Variants in EIF2B4 observed in about 807,000 individuals in gnomAD.
The protein encoded by EIF2B4 is translation initiation factor eIF2B subunit delta.
In EIF2B4, 34 loss-of-function variants were observed where a neutral mutation model predicts 66.7. The observed-to-expected ratio is 0.51, with a 90% CI of 0.39 to 0.68. The LOEUF is 0.68. Ranked by LOEUF, EIF2B4 falls within the 30% of genes least tolerant of loss-of-function variation. The probability of loss-of-function intolerance (pLI) is 0.00; values close to 1 mark genes in which losing one functional copy is unlikely to be tolerated. For missense variants in EIF2B4, 618 were observed against 657.9 expected (o/e 0.94, Z 0.66); for synonymous variants, 278 against 253.6 (o/e 1.10, Z -0.92).
chr2:27,367,685 G>A (rs1681962977), intron 8 of EIF2B4, 61 bp downstream of exon 8: 10 of 1,589,756 alleles, frequency 6.3e-6, no homozygotes, highest in Non-Finnish European at 7.8e-6. Flanking sequence ...AGAAAAGCAG[G>A]AAAAAGAGTA....
chr2:27,367,712 C>T (rs772860178), intron 8 of EIF2B4, 34 bp downstream of exon 8: 28 of 1,596,858 alleles, frequency 1.8e-5, no homozygotes, highest in Non-Finnish European at 2.1e-5. Context: ...AAAGATTGGG[C>T]GAGCTGGGAG....
chr2:27,369,687 C>T, intron 2 of EIF2B4, 138 bp from the exon 3 acceptor site: 4 of 1,519,166 alleles, frequency 2.6e-6, no homozygotes, highest in East Asian at 4.5e-5. Context: ...TGCAAGCTTA[C>T]ATCCACAGAG....
rs1404571400 is a variant in EIF2B4 at position 27,364,612 on chromosome 2, G to A, written c.1373-13C>T. Reference sequence around the variant, plus strand: ...TCATCAGGGTCATCTGCAATGGAAGGCGTACCCATTATGTTCTTTCAGAAA... The same window carrying A: ...TCATCAGGGTCATCTGCAATGGAAGACGTACCCATTATGTTCTTTCAGAAA... On this transcript the variant is annotated splice_polypyrimidine_tract_variant and intron_variant, in intron 12 of 12. Coordinates refer to ENST00000347454, the MANE Select transcript of EIF2B4 (RefSeq NM_001034116.2). 5 of 1,613,984 alleles carry A rather than the reference G, an allele frequency of 3.1e-6. No homozygotes were observed. In the Admixed American group the frequency reaches 8.3e-5, roughly 27 times the overall value.
chr2:27,367,624 TAA>T, intron 8 of EIF2B4, 65 bp from the exon 9 acceptor site: 1 of 1,585,006 alleles, frequency 6.3e-7, no homozygotes, highest in South Asian at 1.1e-5. Context: ...CCTTCACATT[TAA>T]AAAAAAAGTC....
intron 11 of EIF2B4, 171 bp downstream of exon 11, chr2:27,366,588 A>T (rs1681880192): frequency 1.3e-6 from 1 of 746,608 alleles, no homozygotes; most frequent in East Asian, 2.7e-5. Flanking sequence ...CGGAGGTGGG[A>T]AGATCACCTG....
At chr2:27,368,910 C>A in intron 4 of EIF2B4, 96 bp downstream of exon 4, 1 of 1,524,358 alleles carries the variant, frequency 6.6e-7, no homozygotes, top group Admixed American at 1.7e-5. Flanking sequence ...AACTCTGGGT[C>A]CCAAGAATGA....
chr2:27,367,609 C>G, intron 8 of EIF2B4, 50 bp from the exon 9 acceptor site: 8 of 1,603,562 alleles, frequency 5.0e-6, no homozygotes, highest in Non-Finnish European at 6.8e-6. Flanking sequence ...TCACAACTTA[C>G]AAAGCCTTCA....
In EIF2B4 at chr2:27,364,945, A is replaced by G. The variant is rs78115342; in HGVS notation, c.1192-47T>C. 2.4e-3 allele frequency: 3,771 copies of G among 1,588,882 alleles called. 84 individuals are homozygous for G. The African/African-American group carries it at 0.043, about 18-fold the overall frequency. On this transcript the variant is annotated intron_variant, in intron 11 of 12. Transcript: ENST00000347454. ...AGAAAAAAATGTCATTGTTGTATCAATGCAAAATAAGGTCCCCTACTTACA... is the reference window on the plus strand; with the variant it reads ...AGAAAAAAATGTCATTGTTGTATCAGTGCAAAATAAGGTCCCCTACTTACA...
Position 27,370,095 on chromosome 2 carries a change from G to T in EIF2B4, c.32-176C>A, listed in dbSNP as rs564062277. 5.1e-5 allele frequency: 77 copies of T among 1,509,788 alleles called. No individual in the cohort carries two copies. In the African/African-American group the frequency reaches 7.7e-4, roughly 15 times the overall value. 93.5% of individuals were successfully genotyped at this position (1,509,788 alleles called of 1,614,324 possible). ...TGCGCGGCGGATCAAAGGAATGGAG[G>T]GGTCACCGACCCTCCTCACAGCAAC... On this transcript the variant is annotated intron_variant, in intron 1 of 12. Coordinates refer to ENST00000347454, the MANE Select transcript of EIF2B4 (RefSeq NM_001034116.2).
chr2:27,368,765 T>C (rs770808088), intron 4 of EIF2B4, 32 bp from the exon 5 acceptor site: 5 of 1,602,854 alleles, frequency 3.1e-6, no homozygotes, highest in East Asian at 2.2e-5. Flanking sequence ...TTCAGGACAC[T>C]GTAGGTCTTG....
intron 8 of EIF2B4, 64 bp downstream of exon 8, chr2:27,367,682 C>G (rs1681962502): frequency 1.3e-6 from 2 of 1,587,386 alleles, no homozygotes; most frequent in Admixed American, 1.7e-5. Context: ...GATAGAAAAG[C>G]AGGAAAAAGA....
At position 27,369,527 on chromosome 2, in the gene EIF2B4, T is replaced by C; in HGVS notation, c.98A>G (p.Lys33Arg). 1 of 1,614,200 alleles carries C rather than the reference T, an allele frequency of 6.2e-7. No individual in the cohort carries two copies. ...GPGAVGREMT[K>R]EEKLQLRKEK... ...CTTCCGAAGCTGCAGCTTTTCTTCT[T>C]TGGTCATTTCCCTCCCCACTGCCTG... Residue 33 changes from lysine (K) to arginine (R), a missense_variant, in exon 3 of 13, where the codon AAA (lysine) becomes AGA (arginine). Physicochemically the swap from Lys to Arg is conservative, Grantham distance 26. Around this residue, in one of 4 missense-constraint regions of EIF2B4, gnomAD observed 506 missense variants for 511.9 expected, o/e 0.99. Transcript: ENST00000347454.
rs757694836 is a variant in EIF2B4 at position 27,368,056 on chromosome 2, C to T, written c.674G>A (p.Arg225Gln). 1.1e-5 allele frequency: 18 copies of T among 1,595,472 alleles called. No homozygotes were observed. Among genetic ancestry groups the T allele is most frequent in the Non-Finnish European group, 1.5e-5 (18 of 1,170,784 alleles). ...CAAGGCACGAAGCAGGGCAATACAC[C>T]GGGCATTGGAGCCACTGACCAGGCC... ...SQGLVSGSNA[R>Q]CIALLRALQQ... Residue 225 changes from arginine (R) to glutamine (Q), a missense_variant, in exon 7 of 13, where the codon CGG becomes CAG. Around this residue, in one of 4 missense-constraint regions of EIF2B4, gnomAD observed 506 missense variants for 511.9 expected, o/e 0.99. Coordinates refer to ENST00000347454, the MANE Select transcript of EIF2B4 (RefSeq NM_001034116.2).
chr2:27,369,562 CAT>C lies in EIF2B4; in HGVS notation c.76-15_76-14del. 1 of 1,614,120 alleles carries C rather than the reference CAT, an allele frequency of 6.2e-7. No homozygotes were observed. The highest frequency in any genetic ancestry group is 8.5e-7 in the Non-Finnish European group (1 of 1,180,026). On this transcript the variant is annotated splice_polypyrimidine_tract_variant and intron_variant, in intron 2 of 12. Transcript: ENST00000347454. ...CCCTCCCCACTGCCTGAGACACAGA[CAT>C]AGGATACTGCTCTTCCCCAACAATT...
chr2:27,369,807 G>A, intron 2 of EIF2B4, 69 bp downstream of exon 2: 1 of 1,516,354 alleles, frequency 6.6e-7, no homozygotes, highest in Admixed American at 2.2e-5. Flanking sequence ...GGGAGCTGGG[G>A]CGGAATAAAG....
At chr2:27,366,332 T>C in intron 11 of EIF2B4, 1 of 277,494 alleles carries the variant, frequency 3.6e-6, no homozygotes. Flanking sequence ...GCCTTAGTGC[T>C]GAGATTGCAG....
In EIF2B4 at chr2:27,364,352, T is replaced by C; in HGVS notation, c.*48A>G. 1 of 1,578,232 alleles carries C rather than the reference T, an allele frequency of 6.3e-7. No homozygotes were observed. The highest frequency in any genetic ancestry group is 8.7e-7 in the Non-Finnish European group (1 of 1,152,504). On this transcript the variant is annotated 3_prime_UTR_variant, in exon 13 of 13. Coordinates refer to ENST00000347454, the MANE Select transcript of EIF2B4 (RefSeq NM_001034116.2). Reference sequence around the variant, plus strand: ...TAAAAGAGAAACAAAGGCAGCAGAGTTGCTGAGGGTAGGGAGTATGGCATT... The same window carrying C: ...TAAAAGAGAAACAAAGGCAGCAGAGCTGCTGAGGGTAGGGAGTATGGCATT...
At chr2:27,365,799 TTAATG>T (rs1344819750) in intron 11 of EIF2B4, 1 of 152,216 alleles carries the variant, frequency 6.6e-6, no homozygotes, top group Non-Finnish European at 1.5e-5. Context: ...GGTTGCTAGT[TTAATG>T]TAATGTTTTT....
In EIF2B4 at chr2:27,370,063, G is replaced by A. The variant is rs113787137; in HGVS notation, c.32-144C>T. On this transcript the variant is annotated intron_variant, in intron 1 of 12. Coordinates refer to ENST00000347454, the MANE Select transcript of EIF2B4 (RefSeq NM_001034116.2). ...GAGGCGAGCCAGGGATCCGCGTGGGGACGCACTGCGCGGCGGATCAAAGGA... is the reference window on the plus strand; with the variant it reads ...GAGGCGAGCCAGGGATCCGCGTGGGAACGCACTGCGCGGCGGATCAAAGGA... The A allele has an allele frequency of 6.6e-6, 10 of 1,505,616 alleles. 1 individual carries two copies. The African/African-American group carries it at 8.3e-5, about 13-fold the overall frequency. The allele number at this position is 1,505,616 out of a possible 1,614,324, so 93.3% of individuals were successfully genotyped here.
Sources: allele counts gnomAD v4.1 joint callset, GRCh38; gene constraint gnomAD v4.1.1; regional missense constraint gnomAD v4.1.1; transcripts MANE v1.5; gene names NCBI Gene and HGNC (gene_info 2026-07-23, HGNC 2026-07-21).